The following RPS6KA2 variants were observed in gnomAD, a reference collection of about 807,000 sequenced individuals.
RPS6KA2 encodes ribosomal protein S6 kinase A2.
A neutral mutation model predicts 91.8 loss-of-function variants in RPS6KA2; 42 were observed. The ratio of observed to expected loss-of-function variants is 0.46; its 90% confidence interval spans 0.36 to 0.59. The LOEUF (loss-of-function observed/expected upper bound fraction) is 0.59, where lower values mean the gene tolerates loss of function less well. Among genes scored for constraint, RPS6KA2 ranks in the 20% least tolerant of loss-of-function variants. The probability of loss-of-function intolerance (pLI) is 0.00; values close to 1 mark genes in which losing one functional copy is unlikely to be tolerated. For synonymous variants in RPS6KA2, 414 were observed against 393.6 expected (o/e 1.05, Z -0.61); for missense variants, 798 against 978.5 (o/e 0.82, Z 2.46).
At chr6:166,585,591 A>G (rs1255523665) in intron 1 of RPS6KA2, among the ~76,000 whole-genome samples, 1 of 97,212 alleles carries the variant, frequency 1.0e-5, no homozygotes, top group East Asian at 2.9e-4. Context: ...TCATCTATAG[A>G]TTAAGGAATC....
Position 166,852,794 on chromosome 6 carries a change from C to G in RPS6KA2, c.123+5406G>C, listed in dbSNP as rs186835128. Among the ~76,000 whole-genome samples, 14 of 152,254 alleles carry G rather than the reference C, an allele frequency of 9.2e-5. No individual in the cohort carries two copies. Among genetic ancestry groups the G allele is most frequent in the African/African-American group, 3.1e-4 (13 of 41,548 alleles). On this transcript the variant is annotated intron_variant, in intron 2 of 21. Coordinates refer to the RPS6KA2 transcript ENST00000503859. The surrounding 1 kb of genome is among the most constrained non-coding windows in gnomAD (Gnocchi z 4.1). ...TTCCTGCCCAGGCCTGAGGGTCCCT[C>G]TGTGACCTCTCAGCTGGTGCTGTGT... is the stretch of plus-strand genomic sequence containing the variant.
intron 2 of RPS6KA2, among the ~76,000 whole-genome samples, chr6:166,636,643 C>T (rs1254289999): frequency 6.6e-6 from 1 of 152,168 alleles, no homozygotes; most frequent in East Asian, 1.9e-4. Context: ...AGGACAGGAA[C>T]TTTAACATCC....
chr6:166,507,885 C>A (rs879013442), intron 5 of RPS6KA2, among the ~76,000 whole-genome samples: 1 of 148,526 alleles, frequency 6.7e-6, no homozygotes, highest in African/African-American at 2.5e-5. Context: ...CACGCACACC[C>A]CCCCACACAC....
chr6:166,840,491 C>G (rs1465360156), intron 2 of RPS6KA2, among the ~76,000 whole-genome samples: 1 of 152,146 alleles, frequency 6.6e-6, no homozygotes, highest in Non-Finnish European at 1.5e-5. Flanking sequence ...TTCAAATGCT[C>G]CTTTACAACC....
At chr6:166,468,842 C>T (rs377699690) in intron 11 of RPS6KA2, among the ~76,000 whole-genome samples, 2,999 of 123,374 alleles carry the variant, frequency 0.024, 123 homozygotes, top group African/African-American at 0.096. Context: ...CCAGCCTGGG[C>T]GACAGAGCGA....
chr6:166,819,229 G>T (rs759503111), intron 2 of RPS6KA2, among the ~76,000 whole-genome samples: 9 of 152,052 alleles, frequency 5.9e-5, no homozygotes, highest in East Asian at 1.9e-4. Flanking sequence ...CTATGTGTTG[G>T]TTTTTTGTTT....
chr6:166,752,653 A>G (rs986692151), intron 2 of RPS6KA2, among the ~76,000 whole-genome samples: 12 of 152,234 alleles, frequency 7.9e-5, no homozygotes, highest in African/African-American at 2.7e-4. Flanking sequence ...GTATTTTAAA[A>G]GAAAGAAAGA....
chr6:166,492,911 T>A (rs1001131011), intron 8 of RPS6KA2, among the ~76,000 whole-genome samples: 3 of 136,288 alleles, frequency 2.2e-5, no homozygotes, highest in Admixed American at 7.3e-5. Context: ...TTTTTTTTTT[T>A]AGTAGAGACA....
chr6:166,650,737 T>C (rs759765015), intron 2 of RPS6KA2, among the ~76,000 whole-genome samples: 55 of 152,184 alleles, frequency 3.6e-4, no homozygotes, highest in Non-Finnish European at 6.0e-4. Flanking sequence ...GTTCACTTGG[T>C]TCTCTCTCTG....
chr6:166,757,496 G>A (rs1307280113), intron 2 of RPS6KA2: 1 of 455,860 alleles, frequency 2.2e-6, no homozygotes, highest in South Asian at 1.6e-5. Context: ...AAGCTCCCTG[G>A]GACCCCCATT....
intron 11 of RPS6KA2, among the ~76,000 whole-genome samples, chr6:166,464,012 T>C (rs1346648947): frequency 6.6e-6 from 1 of 152,070 alleles, no homozygotes; most frequent in African/African-American, 2.4e-5. Flanking sequence ...GTGCTCCTAG[T>C]GTATATAATG....
At chr6:166,696,764 T>TCC (rs573065679) in intron 2 of RPS6KA2, among the ~76,000 whole-genome samples, 223 of 152,184 alleles carry the variant, frequency 1.5e-3, no homozygotes, top group African/African-American at 5.3e-3. Context: ...AAAAGCCAAC[T>TCC]CCCCCACAAG....
intron 2 of RPS6KA2, among the ~76,000 whole-genome samples, chr6:166,805,515 A>T (rs1175856945): frequency 6.6e-6 from 1 of 152,230 alleles, no homozygotes; most frequent in African/African-American, 2.4e-5. Context: ...ATGCAGGGAA[A>T]ATTACACAGC....
rs536671868 is a variant in RPS6KA2 at position 166,423,476 on chromosome 6, G to C, written c.1582-59C>G. ...GCTGAGGACTGAGCAGGAGAGGGAGGGCAGGTGCATTTGGAGGGGAGGGTG... is the reference window on the plus strand; with the variant it reads ...GCTGAGGACTGAGCAGGAGAGGGAGCGCAGGTGCATTTGGAGGGGAGGGTG... On this transcript the variant is annotated intron_variant, in intron 16 of 20. Coordinates refer to ENST00000265678, the MANE Select transcript of RPS6KA2 (RefSeq NM_021135.6). This position sits in a 1 kb window ranked among gnomAD's most constrained non-coding sequence, Gnocchi z 4.8. The C allele has an allele frequency of 5.7e-5, 87 of 1,521,972 alleles. No homozygotes were observed. In the African/African-American group the frequency reaches 1.2e-3, roughly 21 times the overall value. 94.3% of individuals were successfully genotyped at this position (1,521,972 alleles called of 1,614,324 possible).
At chr6:166,444,908 C>A (rs551751957) in intron 14 of RPS6KA2, among the ~76,000 whole-genome samples, 10 of 152,276 alleles carry the variant, frequency 6.6e-5, no homozygotes, top group Non-Finnish European at 1.3e-4. Flanking sequence ...CAGCATATAG[C>A]AGGGACTCAA....
chr6:166,536,499 AT>A (rs1208982004), intron 2 of RPS6KA2, among the ~76,000 whole-genome samples: 1 of 152,162 alleles, frequency 6.6e-6, no homozygotes, highest in Non-Finnish European at 1.5e-5. Context: ...GACAAATACA[AT>A]TTGTATCTGT....
intron 2 of RPS6KA2, among the ~76,000 whole-genome samples, chr6:166,798,579 C>T (rs140662506): frequency 4.4e-4 from 67 of 152,324 alleles, no homozygotes; most frequent in Admixed American, 1.0e-3. Context: ...AGCTGGGGAG[C>T]GGCCCTCTCC....
Position 166,627,082 on chromosome 6 carries a change from C to T in RPS6KA2, c.-63G>A. The T allele has an allele frequency of 7.8e-7, 1 of 1,284,808 alleles. No homozygotes were observed. Among genetic ancestry groups the T allele is most frequent in the Non-Finnish European group, 1.0e-6 (1 of 1,002,938 alleles). The allele number at this position is 1,284,808 out of a possible 1,614,324, so 79.6% of individuals were successfully genotyped here. Reference sequence around the variant, plus strand: ...GGACGCGCATCCCCGGCATCCCAGGCGCGGGGCTCAGGTCCGCGGGCGGGC... The same window carrying T: ...GGACGCGCATCCCCGGCATCCCAGGTGCGGGGCTCAGGTCCGCGGGCGGGC... On this transcript the variant is annotated 5_prime_UTR_variant, in exon 1 of 21. Coordinates refer to ENST00000265678, the MANE Select transcript of RPS6KA2 (RefSeq NM_021135.6).
intron 10 of RPS6KA2, among the ~76,000 whole-genome samples, chr6:166,475,156 C>CTCCTGCTGCCAGCACT (rs1280933247): frequency 1.9e-5 from 2 of 104,208 alleles, no homozygotes; most frequent in African/African-American, 1.5e-4. Context: ...GGATGTGCCC[C>CTCCTGCTGCCAGCACT]AGCCTGTGGT....
Sources: allele counts gnomAD v4.1 joint callset (sites outside exome capture counted in the v4.1 genomes callset), GRCh38; gene constraint gnomAD v4.1.1; non-coding constraint Gnocchi (gnomAD v3.1); transcripts MANE v1.5; gene names NCBI Gene and HGNC (gene_info 2026-07-23, HGNC 2026-07-21).